STK24: variants seen among roughly 807,000 people sequenced by gnomAD.
STK24 encodes serine/threonine-protein kinase 24.
In STK24, 21 loss-of-function variants were observed where a neutral mutation model predicts 55.6. That is an observed-to-expected ratio of 0.38 (90% confidence interval 0.27 to 0.54). STK24 has a LOEUF of 0.54. Ranked by LOEUF, STK24 falls within the 20% of genes least tolerant of loss-of-function variation. STK24 has a pLI of 0.79. For synonymous variants in STK24, 200 were observed against 215.2 expected, an observed-to-expected ratio of 0.93 and a Z score of 0.62; for missense variants, 383 against 538.4, an observed-to-expected ratio of 0.71 and a Z score of 2.86.
At chr13:98,562,885 C>CAGTCTGGG (rs1897463010) in intron 1 of STK24, among the ~76,000 whole-genome samples, 1 of 146,880 alleles carries the variant, frequency 6.8e-6, no homozygotes, top group African/African-American at 2.6e-5. Flanking sequence ...CACTACACTC[C>CAGTCTGGG]AGTCTGGGCA....
intron 5 of STK24, among the ~76,000 whole-genome samples, chr13:98,474,165 G>C (rs1025583888): frequency 1.3e-5 from 2 of 152,080 alleles, no homozygotes; most frequent in Non-Finnish European, 2.9e-5. Context: ...AAAAGTGGAG[G>C]GCAACAGAGA....
intron 1 of STK24, among the ~76,000 whole-genome samples, chr13:98,574,847 C>G: frequency 6.7e-6 from 1 of 148,174 alleles, no homozygotes; most frequent in Non-Finnish European, 1.5e-5. Flanking sequence ...CTGACCCACT[C>G]AAAAAAAAAA....
At chr13:98,550,356 T>C (rs140197124) in intron 1 of STK24, among the ~76,000 whole-genome samples, 1,725 of 152,158 alleles carry the variant, frequency 0.011, 16 homozygotes, top group Non-Finnish European at 0.017. Flanking sequence ...CTGAGCAACA[T>C]AGGGGGAACC....
chr13:98,535,651 C>T (rs2139410273), intron 1 of STK24, among the ~76,000 whole-genome samples: 1 of 152,296 alleles, frequency 6.6e-6, no homozygotes, highest in Admixed American at 6.5e-5. Flanking sequence ...CTCACAACCA[C>T]CCCATGAGAA....
rs566713623 is a variant in STK24 at position 98,451,831 on chromosome 13, G to C, written c.*1342C>G. On this transcript the variant is annotated 3_prime_UTR_variant, in exon 11 of 11. Coordinates refer to ENST00000539966, the MANE Select transcript of STK24 (RefSeq NM_001032296.4). The stretch of plus-strand genomic sequence containing the variant: ...CCCCCTCGCCAAGCAAGGTCCCACA[G>C]CAAACCAAGAAAAACAGACACACTG... 1 of 152,494 alleles carries C rather than the reference G, an allele frequency of 6.6e-6. No homozygotes were observed. The highest frequency in any genetic ancestry group is 2.4e-5 in the African/African-American group (1 of 41,554). The allele number at this position is 152,494 out of a possible 1,614,324, so 9.4% of individuals were successfully genotyped here. A position where few individuals can be genotyped will look rare whatever the true frequency, so the allele number is the denominator to read the frequency against.
intron 1 of STK24, among the ~76,000 whole-genome samples, chr13:98,554,968 T>C (rs1231862479): frequency 7.7e-6 from 1 of 129,086 alleles, no homozygotes; most frequent in Non-Finnish European, 1.5e-5. Flanking sequence ...TGAGCTGAGA[T>C]AGTGCTACTG....
chr13:98,496,720 T>C (rs1895264853), intron 2 of STK24, among the ~76,000 whole-genome samples: 1 of 152,250 alleles, frequency 6.6e-6, no homozygotes, highest in Non-Finnish European at 1.5e-5. Flanking sequence ...CTGCTTATTA[T>C]ATTTGCACCA....
intron 1 of STK24, chr13:98,553,763 A>C (rs56405885): frequency 6.6e-6 from 1 of 152,240 alleles, no homozygotes; most frequent in Admixed American, 6.5e-5. Flanking sequence ...AAAAAGCAAG[A>C]AAAAGGAGGA....
At chr13:98,557,219 T>C (rs375646717) in intron 1 of STK24, among the ~76,000 whole-genome samples, 1 of 152,332 alleles carries the variant, frequency 6.6e-6, no homozygotes, top group African/African-American at 2.4e-5. Flanking sequence ...CTAGCACAAA[T>C]GACCTAATTA....
intron 1 of STK24, among the ~76,000 whole-genome samples, chr13:98,520,660 T>G (rs990954387): frequency 6.6e-6 from 1 of 152,248 alleles, no homozygotes; most frequent in African/African-American, 2.4e-5. Flanking sequence ...ATGAGTGACG[T>G]GAGCCTCAGG....
intron 1 of STK24, 63 bp downstream of exon 1, chr13:98,576,682 A>G (rs1897906230): frequency 5.8e-6 from 8 of 1,368,434 alleles, no homozygotes; most frequent in Non-Finnish European, 6.8e-6. Flanking sequence ...CCGTGTGGAT[A>G]CCGCCAAGTT....
chr13:98,457,001 T>G, intron 10 of STK24, 167 bp downstream of exon 10: 1 of 826,014 alleles, frequency 1.2e-6, no homozygotes, highest in East Asian at 2.7e-5. Flanking sequence ...TCACATTGAT[T>G]TCTAGAATTC....
intron 1 of STK24, among the ~76,000 whole-genome samples, chr13:98,534,014 C>T (rs1019598551): frequency 6.6e-6 from 1 of 152,246 alleles, no homozygotes; most frequent in African/African-American, 2.4e-5. Context: ...AGTCTGCCGA[C>T]GCCTACCCAC....
At chr13:98,514,770 A>G (rs1895997985) in intron 2 of STK24, among the ~76,000 whole-genome samples, 1 of 152,228 alleles carries the variant, frequency 6.6e-6, no homozygotes, top group Non-Finnish European at 1.5e-5. Context: ...CATAAAAGAA[A>G]ATGATAAACC....
Position 98,453,202 on chromosome 13 carries a change from G to A in STK24, c.1267C>T (p.Leu423=). The A allele has an allele frequency of 6.2e-7, 1 of 1,613,402 alleles. No individual in the cohort carries two copies. The highest frequency in any genetic ancestry group is 8.5e-7 in the Non-Finnish European group (1 of 1,179,744). ...TGGGATGAAGTTCCTCCACCACTTA[G>A]AGAGTATCTAGGGAAAAAGAGAGAG... ...QLVQRLQRYS[L]SGGGTSSH Residue 423 remains leucine (L), a synonymous_variant, in exon 11 of 11, where the codon CTA becomes TTA. Transcript: ENST00000539966.
At chr13:98,493,841 T>C (rs1474833076) in intron 2 of STK24, among the ~76,000 whole-genome samples, 1 of 138,992 alleles carries the variant, frequency 7.2e-6, no homozygotes, top group South Asian at 2.2e-4. Context: ...AAAAAAAAAT[T>C]TTTTTTTTTT....
At chr13:98,537,821 A>C (rs531737525) in intron 1 of STK24, among the ~76,000 whole-genome samples, 1 of 152,208 alleles carries the variant, frequency 6.6e-6, no homozygotes, top group Non-Finnish European at 1.5e-5. Flanking sequence ...AGTGACTGAC[A>C]AAGTCACTTA....
At chr13:98,487,727 C>A (rs1469344523) in intron 2 of STK24, among the ~76,000 whole-genome samples, 2 of 152,112 alleles carry the variant, frequency 1.3e-5, no homozygotes, top group Non-Finnish European at 2.9e-5. Context: ...TTAGCCCATG[C>A]CTTATTGAGC....
chr13:98,482,167 G>T, intron 3 of STK24, 98 bp downstream of exon 3: 1 of 612,878 alleles, frequency 1.6e-6, no homozygotes, highest in Non-Finnish European at 2.7e-6. Flanking sequence ...CAACTTGAAA[G>T]AAAGAAAAAG....
Sources: gnomAD v4.1 joint callset for allele counts (sites outside exome capture counted in the v4.1 genomes callset) on GRCh38, gnomAD v4.1.1 for gene constraint, MANE v1.5 for transcripts, NCBI Gene and HGNC (gene_info 2026-07-23, HGNC 2026-07-21) for gene names.